The following ADGRB3 variants were observed in gnomAD, a reference collection of about 807,000 sequenced individuals.
ADGRB3 encodes the protein brain-specific angiogenesis inhibitor 3.
A neutral mutation model predicts 193.4 loss-of-function variants in ADGRB3; 37 were observed. That is an observed-to-expected ratio of 0.19 (90% CI 0.15 to 0.25). The LOEUF is 0.25. Among genes scored for constraint, ADGRB3 ranks in the 10% least tolerant of loss-of-function variants. The probability of loss-of-function intolerance (pLI) is 1.00; values close to 1 mark genes in which losing one functional copy is unlikely to be tolerated. For missense variants in ADGRB3, 1,637 were observed against 1,852.9 expected, an observed-to-expected ratio of 0.88 and a Z score of 2.14; for synonymous variants, 690 against 644.2, an observed-to-expected ratio of 1.07 and a Z score of -1.08.
At chr6:69,149,454 T>C (rs1275223940) in intron 17 of ADGRB3, among the ~76,000 whole-genome samples, 1 of 152,050 alleles carries the variant, frequency 6.6e-6, no homozygotes, top group Non-Finnish European at 1.5e-5. Flanking sequence ...CTCTGTGTTA[T>C]CTTGAATTTC....
At chr6:68,774,109 A>G (rs1766691999) in intron 3 of ADGRB3, among the ~76,000 whole-genome samples, 1 of 151,910 alleles carries the variant, frequency 6.6e-6, no homozygotes, top group Non-Finnish European at 1.5e-5. Flanking sequence ...GATTTCTGTC[A>G]TAAAAGCATT....
At chr6:68,948,628 C>T (rs1374689067) in intron 6 of ADGRB3, among the ~76,000 whole-genome samples, 2 of 151,800 alleles carry the variant, frequency 1.3e-5, no homozygotes, top group Non-Finnish European at 2.9e-5. Context: ...TAATATTTTC[C>T]CCTAGTCAGT....
intron 3 of ADGRB3, among the ~76,000 whole-genome samples, chr6:68,767,449 A>G (rs1766531081): frequency 6.6e-6 from 1 of 152,222 alleles, no homozygotes; most frequent in Non-Finnish European, 1.5e-5. Flanking sequence ...CTACATGATT[A>G]TCTTATTAGA....
chr6:68,863,108 G>A (rs2150215602), intron 3 of ADGRB3, among the ~76,000 whole-genome samples: 1 of 151,968 alleles, frequency 6.6e-6, no homozygotes, highest in East Asian at 1.9e-4. Context: ...CAATATTTCA[G>A]TCCCAAAGTG....
At chr6:68,858,073 A>T (rs982572957) in intron 3 of ADGRB3, among the ~76,000 whole-genome samples, 9 of 152,166 alleles carry the variant, frequency 5.9e-5, no homozygotes, top group Non-Finnish European at 1.2e-4. Flanking sequence ...TTGAACTGTG[A>T]GTTCTCCATT....
intron 3 of ADGRB3, among the ~76,000 whole-genome samples, chr6:68,910,656 A>G (rs1582307068): frequency 6.6e-6 from 1 of 152,352 alleles, no homozygotes; most frequent in Middle Eastern, 3.4e-3. Context: ...CATTTATTAA[A>G]TAGGGAATCC....
chr6:68,846,116 C>G (rs1768270060), intron 3 of ADGRB3, among the ~76,000 whole-genome samples: 1 of 152,120 alleles, frequency 6.6e-6, no homozygotes, highest in Non-Finnish European at 1.5e-5. Context: ...AAACTGGCAG[C>G]ATTTTGCCCC....
At chr6:69,187,032 A>G (rs946385459) in intron 17 of ADGRB3, among the ~76,000 whole-genome samples, 1 of 151,626 alleles carries the variant, frequency 6.6e-6, no homozygotes, top group Non-Finnish European at 1.5e-5. Context: ...AATGGTAAAC[A>G]TAACATTTGA....
intron 17 of ADGRB3, among the ~76,000 whole-genome samples, chr6:69,087,617 T>C (rs1228369799): frequency 6.6e-6 from 1 of 152,158 alleles, no homozygotes; most frequent in Non-Finnish European, 1.5e-5. Flanking sequence ...CACCATCCAA[T>C]AAATTTCTGT....
At chr6:68,665,488 T>C (rs1455396933) in intron 3 of ADGRB3, among the ~76,000 whole-genome samples, 1 of 151,810 alleles carries the variant, frequency 6.6e-6, no homozygotes, top group East Asian at 1.9e-4. Flanking sequence ...TTGGTATAAC[T>C]TGAATATCTC....
At chr6:69,007,691 TCTCACACACACA>T (rs1446253919) in intron 11 of ADGRB3, among the ~76,000 whole-genome samples, 10 of 73,272 alleles carry the variant, frequency 1.4e-4, no homozygotes, top group African/African-American at 6.7e-4. Context: ...TCTCTCTCTC[TCTCACACACACA>T]CACACACACA....
rs193198460 is a variant in ADGRB3, at chr6:68,891,926, T to C, written c.758-38633T>C. 2.2e-4 allele frequency among the ~76,000 whole-genome samples: 34 copies of C among 152,276 alleles called. 1 individual carries two copies. In the East Asian group the frequency reaches 2.7e-3, roughly 12 times the overall value. ...CCGAAGAGTGGAGACCAAGAAGATA[T>C]GGGTGATCTGCTAGAGCAGCACTGT... On this transcript the variant is annotated intron_variant, in intron 3 of 31. Transcript: ENST00000370598.
chr6:69,230,758 C>T (rs1766117396), intron 17 of ADGRB3, among the ~76,000 whole-genome samples: 1 of 152,242 alleles, frequency 6.6e-6, no homozygotes, highest in African/African-American at 2.4e-5. Context: ...ACCCACCCCC[C>T]TCCTCACCTC....
At chr6:68,704,107 C>T (rs1765287469) in intron 3 of ADGRB3, among the ~76,000 whole-genome samples, 1 of 152,110 alleles carries the variant, frequency 6.6e-6, no homozygotes, top group African/African-American at 2.4e-5. Flanking sequence ...AACATTTTGA[C>T]ATTTTAAACA....
chr6:69,376,289 G>T (rs1304349264), intron 30 of ADGRB3, among the ~76,000 whole-genome samples: 2 of 151,128 alleles, frequency 1.3e-5, no homozygotes, highest in South Asian at 2.1e-4. Flanking sequence ...GTATAGATGG[G>T]GTCTCACCAT....
At chr6:68,740,088 T>C (rs957366616) in intron 3 of ADGRB3, among the ~76,000 whole-genome samples, 1 of 152,218 alleles carries the variant, frequency 6.6e-6, no homozygotes, top group Non-Finnish European at 1.5e-5. Context: ...AGTTATTTTA[T>C]ACTTGATTAG....
chr6:68,779,228 T>TTA (rs1554192669), intron 3 of ADGRB3, among the ~76,000 whole-genome samples: 1 of 93,382 alleles, frequency 1.1e-5, no homozygotes, highest in Admixed American at 1.2e-4. Flanking sequence ...TATGTATATA[T>TTA]TATGTGTGTG....
chr6:68,768,416 C>T (rs1008134280), intron 3 of ADGRB3, among the ~76,000 whole-genome samples: 5 of 152,068 alleles, frequency 3.3e-5, no homozygotes, highest in African/African-American at 9.7e-5. Context: ...CTTTGACAAA[C>T]CTGACAAAAA....
At chr6:69,114,412 T>C (rs1051600809) in intron 17 of ADGRB3, among the ~76,000 whole-genome samples, 1 of 152,220 alleles carries the variant, frequency 6.6e-6, no homozygotes, top group Non-Finnish European at 1.5e-5. Context: ...ATGTTAGTCC[T>C]TTGTCAGATG....
Sources: allele counts gnomAD v4.1 joint callset (sites outside exome capture counted in the v4.1 genomes callset), GRCh38; gene constraint gnomAD v4.1.1; transcripts MANE v1.5; gene names NCBI Gene and HGNC (gene_info 2026-07-23, HGNC 2026-07-21).